KANSL1: variants seen among roughly 807,000 people sequenced by gnomAD.
The protein encoded by KANSL1 is KAT8 regulatory NSL complex subunit 1.
In KANSL1, 22 loss-of-function variants were observed where a neutral mutation model predicts 103.6. The ratio of observed to expected loss-of-function variants is 0.21; its 90% CI spans 0.15 to 0.30. The LOEUF is 0.30. KANSL1 is among the 10% of genes least tolerant of loss of function. The pLI is 1.00. For synonymous variants in KANSL1, 600 were observed against 527.6 expected (o/e 1.14, Z -1.88); for missense variants, 1,337 against 1,399.8 (o/e 0.96, Z 0.72).
At chr17:46,165,117 A>G (rs2045929412) in intron 2 of KANSL1, among the ~76,000 whole-genome samples, 1 of 152,248 alleles carries the variant, frequency 6.6e-6, no homozygotes, top group African/African-American at 2.4e-5. Flanking sequence ...AAATATATAC[A>G]TACATACAAA....
intron 6 of KANSL1, among the ~76,000 whole-genome samples, chr17:46,065,839 G>C (rs2078357342): frequency 6.6e-6 from 1 of 152,014 alleles, no homozygotes; most frequent in Non-Finnish European, 1.5e-5. Flanking sequence ...CTTTTTTTTA[G>C]TAATATCAAT....
At chr17:46,103,877 A>C (rs1348842589) in intron 2 of KANSL1, among the ~76,000 whole-genome samples, 1 of 152,112 alleles carries the variant, frequency 6.6e-6, no homozygotes, top group Non-Finnish European at 1.5e-5. Flanking sequence ...AATACAAAAA[A>C]ATTGGCCAGG....
At chr17:46,208,783 G>C (rs1006769480) in intron 1 of KANSL1, among the ~76,000 whole-genome samples, 2 of 151,086 alleles carry the variant, frequency 1.3e-5, no homozygotes, top group African/African-American at 4.9e-5. Flanking sequence ...GAACCTGGAG[G>C]CGGAGGTTGC....
chr17:46,206,690 A>G (rs2047980345), intron 1 of KANSL1, among the ~76,000 whole-genome samples: 1 of 152,258 alleles, frequency 6.6e-6, no homozygotes. Flanking sequence ...AAATTTAAAC[A>G]CGGATTATAG....
intron 4 of KANSL1, among the ~76,000 whole-genome samples, chr17:46,080,312 TAAAAAAAA>T (rs35520207): frequency 6.4e-5 from 5 of 77,780 alleles, no homozygotes; most frequent in South Asian, 5.8e-4. Flanking sequence ...GAGCCTGTCT[TAAAAAAAA>T]AAAAAAAAAA....
chr17:46,086,497 T>C (rs1468541750), intron 3 of KANSL1, among the ~76,000 whole-genome samples: 1 of 152,168 alleles, frequency 6.6e-6, no homozygotes, highest in Non-Finnish European at 1.5e-5. Context: ...CAAGAAAAAA[T>C]GAGAGACCTA....
chr17:46,184,221 T>C (rs1202999609), intron 1 of KANSL1, among the ~76,000 whole-genome samples: 1 of 152,232 alleles, frequency 6.6e-6, no homozygotes, highest in Non-Finnish European at 1.5e-5. Context: ...CTAGAAAAGA[T>C]GACATACTGA....
At chr17:46,160,661 G>T (rs991427624) in intron 2 of KANSL1, among the ~76,000 whole-genome samples, 5 of 152,138 alleles carry the variant, frequency 3.3e-5, no homozygotes, top group African/African-American at 4.8e-5. Flanking sequence ...GTAGGCTTAA[G>T]GATGTATCTG....
chr17:46,164,988 TC>T (rs1301590161), intron 2 of KANSL1, among the ~76,000 whole-genome samples: 1 of 152,158 alleles, frequency 6.6e-6, no homozygotes, highest in Non-Finnish European at 1.5e-5. Context: ...ATGCCTGTAG[TC>T]CCAGTTACTC....
At chr17:46,218,337 C>T (rs1038108950) in intron 1 of KANSL1, among the ~76,000 whole-genome samples, 4 of 152,210 alleles carry the variant, frequency 2.6e-5, no homozygotes, top group African/African-American at 4.8e-5. Flanking sequence ...TCATTTAATC[C>T]TTATAAAGTC....
intron 6 of KANSL1, 53 bp downstream of exon 6, chr17:46,066,484 A>C (rs2078379952): frequency 6.8e-7 from 1 of 1,479,434 alleles, no homozygotes. Flanking sequence ...GACTAACTCT[A>C]TCTGAGCATC....
intron 2 of KANSL1, among the ~76,000 whole-genome samples, chr17:46,145,576 T>C (rs1204732233): frequency 1.3e-5 from 2 of 152,248 alleles, no homozygotes; most frequent in Admixed American, 6.5e-5. Context: ...ATGCACTAAA[T>C]AATTTTATAA....
At position 46,171,578 on chromosome 17, in the gene KANSL1, T is replaced by G; in HGVS notation, c.566A>C (p.His189Pro). 1 of 1,603,732 alleles carries G rather than the reference T, an allele frequency of 6.2e-7. No individual in the cohort carries two copies. Among genetic ancestry groups the G allele is most frequent in the Non-Finnish European group, 8.5e-7 (1 of 1,175,608 alleles). The change falls in exon 2 of 15, where the codon CAT (histidine) becomes CCT (proline). Residue 189 changes from histidine (H) to proline (P), a missense_variant. Around this residue, in one of 2 missense-constraint regions of KANSL1, gnomAD observed 557 missense variants for 476.4 expected, o/e 1.17. Coordinates refer to ENST00000432791, the MANE Select transcript of KANSL1 (RefSeq NM_015443.4). ...TTCAGATCCTCCCATTTCACCCCCA[T>G]GAAGAGCAGATGAAGTGAGAGCCCG... is the stretch of plus-strand genomic sequence containing the variant. ...GKRALTSSAL[H>P]GGEMGGSESG...
At position 46,181,462 on chromosome 17, in the gene KANSL1, T is replaced by C. The variant is rs142722001; in HGVS notation, c.-89-9230A>G. Among the ~76,000 whole-genome samples the C allele has an allele frequency of 1.9e-3, 287 of 152,074 alleles. 1 individual carries two copies. Among genetic ancestry groups the C allele is most frequent in the African/African-American group, 6.7e-3 (279 of 41,432 alleles). ...TTTTTTTTTTGAGACAAAGTCTCGC[T>C]CTTGTCCCCCAGGCTGGAGTGCGAT... On this transcript the variant is annotated intron_variant, in intron 1 of 14. Coordinates refer to ENST00000432791, the MANE Select transcript of KANSL1 (RefSeq NM_015443.4).
At chr17:46,208,923 C>A (rs1309703339) in intron 1 of KANSL1, among the ~76,000 whole-genome samples, 1 of 151,810 alleles carries the variant, frequency 6.6e-6, no homozygotes, top group Non-Finnish European at 1.5e-5. Flanking sequence ...GTAATCCCAG[C>A]ACTTTGGGAG....
At chr17:46,138,107 T>G (rs1388015435) in intron 2 of KANSL1, among the ~76,000 whole-genome samples, 1 of 152,212 alleles carries the variant, frequency 6.6e-6, no homozygotes, top group Non-Finnish European at 1.5e-5. Context: ...ACTCCTGATC[T>G]CTTTCCACAC....
rs67483415 is a variant in KANSL1, at chr17:46,062,134, A to AAAAAAAAAC, written c.1848+4402_1848+4403insGTTTTTTTT. Among the ~76,000 whole-genome samples the AAAAAAAAAC allele has an allele frequency of 3.3e-4, 44 of 132,720 alleles. 1 individual carries two copies. The highest frequency in any genetic ancestry group is 6.2e-4 in the Non-Finnish European group (38 of 61,184). The allele number at this position is 132,720 out of a possible 152,430, so 87.1% of individuals were successfully genotyped here. A position where few individuals can be genotyped will look rare whatever the true frequency, so the allele number is the denominator to read the frequency against. ...ACAAACAAACAAAAAAAAAAAAAAA[A>AAAAAAAAAC]CATGTTACAGCAGATTTACCTCCCC... On this transcript the variant is annotated intron_variant, in intron 6 of 14. Coordinates refer to ENST00000432791, the MANE Select transcript of KANSL1 (RefSeq NM_015443.4).
At chr17:46,172,360 C>T (rs1242036567) in intron 1 of KANSL1, 128 bp from the exon 2 acceptor site, 2 of 591,402 alleles carry the variant, frequency 3.4e-6, no homozygotes, top group African/African-American at 1.9e-5. Context: ...CTGGAGCTAA[C>T]TGTACCACAG....
chr17:46,047,249 G>A (rs1440358538), intron 7 of KANSL1, among the ~76,000 whole-genome samples: 1 of 152,204 alleles, frequency 6.6e-6, no homozygotes, highest in Non-Finnish European at 1.5e-5. Context: ...AACAGATGCA[G>A]AACAGGGGAT....
Sources: allele counts gnomAD v4.1 joint callset (sites outside exome capture counted in the v4.1 genomes callset), GRCh38; gene constraint gnomAD v4.1.1; regional missense constraint gnomAD v4.1.1; transcripts MANE v1.5; gene names NCBI Gene and HGNC (gene_info 2026-07-23, HGNC 2026-07-21).